Variants in CTNNA3 observed in about 807,000 individuals in gnomAD.
CTNNA3 encodes the protein catenin alpha-3.
CTNNA3 carries 76 observed loss-of-function variants against 95.7 expected under a neutral mutation model. The observed-to-expected ratio is 0.79, with a 90% CI of 0.66 to 0.96. The LOEUF (loss-of-function observed/expected upper bound fraction) is 0.96, where lower values mean the gene tolerates loss of function less well. Among genes scored for constraint, CTNNA3 ranks in the 40% least tolerant of loss-of-function variants. The pLI is 0.00. For missense variants in CTNNA3, 1,191 were observed against 1,089.8 expected (o/e 1.09, Z -1.31); for synonymous variants, 431 against 374.4 (o/e 1.15, Z -1.74).
intron 10 of CTNNA3, among the ~76,000 whole-genome samples, chr10:66,599,144 A>G (rs562183877): frequency 4.6e-5 from 7 of 152,172 alleles, no homozygotes; most frequent in African/African-American, 1.7e-4. Context: ...AACTGCAACA[A>G]ATGACTGAAA....
chr10:67,368,854 G>A (rs1442158823), intron 5 of CTNNA3, among the ~76,000 whole-genome samples: 2 of 152,188 alleles, frequency 1.3e-5, no homozygotes, highest in African/African-American at 4.8e-5. Context: ...CTGTGGAGAG[G>A]AGGAAGAGAG....
At chr10:66,633,442 A>T (rs1408758597) in intron 9 of CTNNA3, among the ~76,000 whole-genome samples, 1 of 152,288 alleles carries the variant, frequency 6.6e-6, no homozygotes, top group South Asian at 2.1e-4. Flanking sequence ...GCACTTTGGG[A>T]GGCCAAGGCG....
At chr10:66,425,258 T>C (rs1381752691) in intron 11 of CTNNA3, among the ~76,000 whole-genome samples, 1 of 151,868 alleles carries the variant, frequency 6.6e-6, no homozygotes, top group Non-Finnish European at 1.5e-5. Context: ...AGCAGTTAGT[T>C]TTTTTAATCT....
At chr10:66,406,512 A>G (rs2093058735) in intron 11 of CTNNA3, among the ~76,000 whole-genome samples, 1 of 152,216 alleles carries the variant, frequency 6.6e-6, no homozygotes, top group Non-Finnish European at 1.5e-5. Flanking sequence ...ACCAAAAACT[A>G]TATGAAGAAA....
chr10:66,694,516 C>T (rs1054316110), intron 9 of CTNNA3, among the ~76,000 whole-genome samples: 3 of 152,114 alleles, frequency 2.0e-5, no homozygotes, highest in African/African-American at 2.4e-5. Context: ...GATTCACAGC[C>T]GAATTCTACC....
chr10:67,002,277 C>T (rs977578683), intron 7 of CTNNA3, among the ~76,000 whole-genome samples: 1 of 152,126 alleles, frequency 6.6e-6, no homozygotes, highest in Non-Finnish European at 1.5e-5. Flanking sequence ...AAACTGCCCT[C>T]GCCTTTGCCA....
chr10:67,005,680 A>ATTTTTTTTTTTT (rs1564825972), intron 7 of CTNNA3, among the ~76,000 whole-genome samples: 1 of 26,372 alleles, frequency 3.8e-5, no homozygotes, highest in Non-Finnish European at 1.1e-4. Context: ...ATTTTACTCC[A>ATTTTTTTTTTTT]TCTTTTTTTT....
chr10:67,172,646 G>T (rs1425915920), intron 7 of CTNNA3, among the ~76,000 whole-genome samples: 1 of 152,052 alleles, frequency 6.6e-6, no homozygotes, highest in Non-Finnish European at 1.5e-5. Context: ...ATTAAGGTCT[G>T]TTGACCATTT....
intron 9 of CTNNA3, among the ~76,000 whole-genome samples, chr10:66,763,341 C>CAGAGAGAG (rs1554848276): frequency 3.6e-5 from 5 of 139,104 alleles, no homozygotes; most frequent in East Asian, 2.2e-4. Flanking sequence ...CACACACACA[C>CAGAGAGAG]AGAGAGAGAG....
intron 6 of CTNNA3, among the ~76,000 whole-genome samples, chr10:67,188,385 C>T (rs1480202378): frequency 1.3e-5 from 2 of 152,114 alleles, no homozygotes; most frequent in African/African-American, 4.8e-5. Context: ...TTCCCAGCTA[C>T]TTGGGAGGCT....
chr10:67,644,038 G>A (rs1027241973), intron 2 of CTNNA3, among the ~76,000 whole-genome samples: 1 of 152,102 alleles, frequency 6.6e-6, no homozygotes, highest in African/African-American at 2.4e-5. Context: ...TAATCCTTTG[G>A]ATATATACCC....
intron 9 of CTNNA3, among the ~76,000 whole-genome samples, chr10:66,676,108 A>AACAC (rs58800149): frequency 4.5e-4 from 67 of 150,466 alleles, no homozygotes; most frequent in African/African-American, 1.5e-3. Flanking sequence ...AAACCTTTAA[A>AACAC]ACACACACAC....
In CTNNA3 at chr10:66,657,633, GCA is replaced by G. The variant is rs573220936; in HGVS notation, c.1282-35851_1282-35850del. On this transcript the variant is annotated intron_variant, in intron 9 of 17. Coordinates refer to ENST00000433211, the MANE Select transcript of CTNNA3 (RefSeq NM_013266.4). The stretch of plus-strand genomic sequence containing the variant: ...CCCTATATTACTGAGCAATGTACTT[GCA>G]CACTTTCATCTTTGTAAACTACTGC... 1.6e-4 allele frequency among the ~76,000 whole-genome samples: 24 copies of G among 152,214 alleles called. No individual in the cohort carries two copies. The East Asian group carries it at 4.6e-3, about 29-fold the overall frequency.
intron 15 of CTNNA3, among the ~76,000 whole-genome samples, chr10:65,991,995 T>A (rs898425681): frequency 1.3e-5 from 2 of 152,114 alleles, no homozygotes; most frequent in Non-Finnish European, 2.9e-5. Context: ...TTACTGAGCC[T>A]ATTGAGATGA....
At chr10:66,819,228 A>C (rs543615865) in intron 7 of CTNNA3, among the ~76,000 whole-genome samples, 3 of 152,154 alleles carry the variant, frequency 2.0e-5, no homozygotes, top group African/African-American at 7.2e-5. Flanking sequence ...GTACCAAGAT[A>C]ATTCAAATGT....
At chr10:66,286,165 T>G (rs1023931092) in intron 12 of CTNNA3, among the ~76,000 whole-genome samples, 23 of 152,012 alleles carry the variant, frequency 1.5e-4, no homozygotes, top group African/African-American at 5.6e-4. Flanking sequence ...TTCACATTAG[T>G]AAACATCAAC....
At chr10:66,651,481 G>A (rs1845895501) in intron 9 of CTNNA3, among the ~76,000 whole-genome samples, 1 of 152,148 alleles carries the variant, frequency 6.6e-6, no homozygotes, top group Non-Finnish European at 1.5e-5. Flanking sequence ...AGCCCTTGGG[G>A]GGTCAATGGG....
At chr10:67,042,876 T>C (rs529151951) in intron 7 of CTNNA3, among the ~76,000 whole-genome samples, 1 of 152,118 alleles carries the variant, frequency 6.6e-6, no homozygotes, top group Non-Finnish European at 1.5e-5. Flanking sequence ...TAAAGGGCAA[T>C]AGACCAGAGG....
chr10:66,280,474 A>T lies in CTNNA3; in HGVS notation c.1880T>A (p.Ile627Asn), dbSNP rs755658279. ...TGGAAGGAAAAGCAAACTTACCCGAATCATCATGACTGAACATCTGATATC... is the reference window on the plus strand; with the variant it reads ...TGGAAGGAAAAGCAAACTTACCCGATTCATCATGACTGAACATCTGATATC... ...IHDIRCSVMM[I>N]RTPEELEDVS... The change falls in exon 13 of 18, where the codon ATT (isoleucine) becomes AAT (asparagine). Residue 627 changes from isoleucine to asparagine, a missense_variant. Physicochemically the swap from Ile to Asn is moderately radical, Grantham distance 149 (BLOSUM62 -3). Transcript: ENST00000433211. 4.4e-6 allele frequency: 7 copies of T among 1,603,070 alleles called. No individual in the cohort carries two copies. The Admixed American group carries it at 1.0e-4, about 24-fold the overall frequency.
Sources: allele counts gnomAD v4.1 joint callset (sites outside exome capture counted in the v4.1 genomes callset), GRCh38; gene constraint gnomAD v4.1.1; transcripts MANE v1.5; gene names NCBI Gene and HGNC (gene_info 2026-07-23, HGNC 2026-07-21).